The following DIP2C variants were observed in gnomAD, a reference collection of about 807,000 sequenced individuals.
DIP2C encodes the protein disco-interacting protein 2 homolog C.
Under a neutral mutation model 192.4 loss-of-function variants are expected in DIP2C, and 33 were observed. The ratio of observed to expected loss-of-function variants is 0.17; its 90% CI spans 0.13 to 0.23. The LOEUF is 0.23. Ranked by LOEUF, DIP2C falls within the 10% of genes least tolerant of loss-of-function variation. The pLI is 1.00. For synonymous variants in DIP2C, 979 were observed against 864.1 expected (o/e 1.13, Z -2.33); for missense variants, 1,537 against 2,110.1 (o/e 0.73, Z 5.32).
chr10:537,295 C>A (rs1432945962), intron 1 of DIP2C, among the ~76,000 whole-genome samples: 2 of 152,202 alleles, frequency 1.3e-5, no homozygotes, highest in Non-Finnish European at 2.9e-5. Context: ...GGACCAGAAT[C>A]TCTGTGATTT....
At chr10:576,591 T>C (rs1463326397) in intron 1 of DIP2C, among the ~76,000 whole-genome samples, 1 of 152,184 alleles carries the variant, frequency 6.6e-6, no homozygotes, top group Non-Finnish European at 1.5e-5. Context: ...GGTGCTATCA[T>C]TGAGACTGAA....
chr10:364,717 A>T, intron 19 of DIP2C, 135 bp from the exon 20 acceptor site: 2 of 973,994 alleles, frequency 2.1e-6, no homozygotes, highest in Non-Finnish European at 3.0e-6. Flanking sequence ...CCTAGGGCCG[A>T]GGTCACAGTG....
chr10:544,613 G>C (rs2130916739), intron 1 of DIP2C, among the ~76,000 whole-genome samples: 1 of 152,020 alleles, frequency 6.6e-6, no homozygotes, highest in Middle Eastern at 3.4e-3. Flanking sequence ...TCCAGTACTG[G>C]GGTTTTACCC....
Position 357,343 on chromosome 10 carries a change from G to A in DIP2C, c.2904+485C>T, listed in dbSNP as rs933936364. On this transcript the variant is annotated intron_variant, in intron 23 of 36. Transcript: ENST00000280886. ...TGAACTGCTTCTTAGAGTCCACAGA[G>A]CACAGGACAGAAGCCTTGCTGCAAG... Among the ~76,000 whole-genome samples, 3 of 152,160 alleles carry A rather than the reference G, an allele frequency of 2.0e-5. No individual in the cohort carries two copies. The East Asian group carries it at 5.8e-4, about 29-fold the overall frequency.
intron 1 of DIP2C, among the ~76,000 whole-genome samples, chr10:563,592 T>C (rs1388064935): frequency 6.6e-6 from 1 of 152,208 alleles, no homozygotes; most frequent in African/African-American, 2.4e-5. Context: ...AATATAATTA[T>C]AGCAGAATTT....
chr10:328,013 T>C (rs190016637), intron 30 of DIP2C, among the ~76,000 whole-genome samples: 1 of 152,268 alleles, frequency 6.6e-6, no homozygotes, highest in Admixed American at 6.5e-5. Flanking sequence ...GCCGTGAATG[T>C]CTGCGTCTTG....
chr10:514,109 C>T (rs915035857), intron 1 of DIP2C, among the ~76,000 whole-genome samples: 1 of 152,188 alleles, frequency 6.6e-6, no homozygotes, highest in Non-Finnish European at 1.5e-5. Flanking sequence ...GAATGCTGGC[C>T]ACCTCGGGGG....
intron 3 of DIP2C, among the ~76,000 whole-genome samples, chr10:465,859 C>A (rs201368533): frequency 0.85 from 127,413 of 149,278 alleles, 56,766 homozygotes; most frequent in Non-Finnish European, 0.97. Context: ...TCAAGGAGAA[C>A]TACAAACCAC....
intron 19 of DIP2C, among the ~76,000 whole-genome samples, 175 bp from the exon 20 acceptor site, chr10:364,757 G>GA (rs35246545): frequency 6.6e-6 from 1 of 152,208 alleles, no homozygotes; most frequent in African/African-American, 2.4e-5. Context: ...CTTCGAGGCA[G>GA]AAAAGCACTT....
chr10:625,558 G>A (rs555686123), intron 1 of DIP2C, among the ~76,000 whole-genome samples: 14 of 152,226 alleles, frequency 9.2e-5, no homozygotes, highest in East Asian at 1.9e-4. Context: ...CGTGACCGTC[G>A]CCCACAGGGA....
rs556742214 is a variant in DIP2C, at chr10:557,021, G to A, written c.86-70491C>T. On this transcript the variant is annotated intron_variant, in intron 1 of 36. Coordinates refer to ENST00000280886, the MANE Select transcript of DIP2C (RefSeq NM_014974.3). Reference sequence around the variant, plus strand: ...TCAGATGGCCCAGGAGCCAGCCCTCGATGGTCCCACACGGCTGTGTGCTCC... The same window carrying A: ...TCAGATGGCCCAGGAGCCAGCCCTCAATGGTCCCACACGGCTGTGTGCTCC... Among the ~76,000 whole-genome samples, 102 of 152,302 alleles carry A rather than the reference G, an allele frequency of 6.7e-4. 1 individual carries two copies. The South Asian group carries it at 0.014, about 21-fold the overall frequency.
chr10:330,579 A>G (rs1020853126), intron 29 of DIP2C, among the ~76,000 whole-genome samples: 3 of 151,946 alleles, frequency 2.0e-5, no homozygotes, highest in African/African-American at 7.3e-5. Context: ...TGTCACCTCA[A>G]ACTCCTGGGC....
intron 1 of DIP2C, among the ~76,000 whole-genome samples, chr10:588,894 C>T (rs992106800): frequency 6.6e-6 from 1 of 152,158 alleles, no homozygotes; most frequent in Non-Finnish European, 1.5e-5. Flanking sequence ...CCGGGCCCCA[C>T]GTTTGTGTGA....
intron 1 of DIP2C, among the ~76,000 whole-genome samples, chr10:680,134 C>G (rs1831079187): frequency 6.6e-6 from 1 of 152,196 alleles, no homozygotes; most frequent in African/African-American, 2.4e-5. Context: ...CAGGCAGGCA[C>G]AGAAGTGCAG....
At chr10:328,237 C>T (rs1957360547) in intron 30 of DIP2C, among the ~76,000 whole-genome samples, 1 of 152,224 alleles carries the variant, frequency 6.6e-6, no homozygotes, top group Non-Finnish European at 1.5e-5. Flanking sequence ...CTGGGTGACA[C>T]AAATTACATA....
intron 1 of DIP2C, among the ~76,000 whole-genome samples, chr10:490,296 G>A (rs1240148878): frequency 6.6e-6 from 1 of 152,196 alleles, no homozygotes; most frequent in Non-Finnish European, 1.5e-5. Flanking sequence ...GCGTCCATCA[G>A]GGCATGTGGT....
intron 1 of DIP2C, chr10:650,913 G>T: frequency 1.4e-6 from 1 of 716,636 alleles, no homozygotes. Context: ...GAAGCTGAGG[G>T]TGTGTCCATG....
intron 9 of DIP2C, among the ~76,000 whole-genome samples, chr10:399,614 A>AGT (rs1234566641): frequency 1.7e-4 from 26 of 152,184 alleles, no homozygotes; most frequent in African/African-American, 6.0e-4. Flanking sequence ...ATCCCATGGC[A>AGT]GTGTTTGGCT....
chr10:414,255 G>A (rs1259086377), intron 7 of DIP2C, 145 bp from the exon 8 acceptor site: 1 of 1,034,120 alleles, frequency 9.7e-7, no homozygotes, highest in Non-Finnish European at 1.4e-6. Context: ...TCTAGAATTG[G>A]GGTCTATACA....
Sources: allele counts gnomAD v4.1 joint callset (sites outside exome capture counted in the v4.1 genomes callset), GRCh38; gene constraint gnomAD v4.1.1; transcripts MANE v1.5; gene names NCBI Gene and HGNC (gene_info 2026-07-23, HGNC 2026-07-21).